KIAA1328: variants seen among roughly 807,000 people sequenced by gnomAD.
The protein encoded by KIAA1328 is protein hinderin.
A neutral mutation model predicts 68.1 loss-of-function variants in KIAA1328; 52 were observed. The ratio of observed to expected loss-of-function variants is 0.76; its 90% CI spans 0.61 to 0.96. KIAA1328 has a LOEUF of 0.96. KIAA1328 is among the 40% of genes least tolerant of loss of function. KIAA1328 has a pLI of 0.00. For missense variants in KIAA1328, 641 were observed against 677.6 expected (o/e 0.95, Z 0.60); for synonymous variants, 232 against 239.4 (o/e 0.97, Z 0.28).
At chr18:37,027,097 A>T (rs922932943) in intron 6 of KIAA1328, among the ~76,000 whole-genome samples, 1 of 152,210 alleles carries the variant, frequency 6.6e-6, no homozygotes, top group Non-Finnish European at 1.5e-5. Flanking sequence ...GAGCCAAATC[A>T]TGAGTGAACT....
intron 4 of KIAA1328, among the ~76,000 whole-genome samples, chr18:36,872,342 C>A (rs1256924595): frequency 6.6e-6 from 1 of 151,786 alleles, no homozygotes; most frequent in African/African-American, 2.4e-5. Context: ...CAACCAGGAC[C>A]CCCACCATCA....
At chr18:37,121,057 T>C (rs2058255164) in intron 7 of KIAA1328, among the ~76,000 whole-genome samples, 1 of 152,096 alleles carries the variant, frequency 6.6e-6, no homozygotes, top group Non-Finnish European at 1.5e-5. Context: ...TGAAAAATTA[T>C]AATGAAAAGA....
chr18:37,224,488 AT>A lies in KIAA1328; in HGVS notation c.*2265del, dbSNP rs2060614164. On this transcript the variant is annotated 3_prime_UTR_variant, in exon 10 of 10. Transcript: ENST00000280020. The stretch of plus-strand genomic sequence containing the variant: ...GTTGCCTTTTTCTAACTTAATGGAC[AT>A]TTTGTTGGTGTTGGTGCAAGGGCAA... The A allele has an allele frequency of 1.1e-5, 11 of 985,300 alleles. No homozygotes were observed. The South Asian group carries it at 3.3e-4, about 29-fold the overall frequency. 61.0% of individuals were successfully genotyped at this position (985,300 alleles called of 1,614,324 possible).
intron 4 of KIAA1328, among the ~76,000 whole-genome samples, chr18:36,863,825 A>G (rs1172594085): frequency 1.3e-5 from 2 of 152,174 alleles, no homozygotes; most frequent in East Asian, 3.8e-4. Context: ...TTGATAGTGT[A>G]TAGAAATATG....
At chr18:37,113,535 TACCA>T (rs1410091932) in intron 7 of KIAA1328, among the ~76,000 whole-genome samples, 5 of 152,148 alleles carry the variant, frequency 3.3e-5, no homozygotes, top group Admixed American at 6.5e-5. Context: ...GAACAACTGG[TACCA>T]GCCACTGCAA....
chr18:36,965,523 AC>A (rs2051888605), intron 6 of KIAA1328, among the ~76,000 whole-genome samples: 1 of 41,932 alleles, frequency 2.4e-5, no homozygotes, highest in African/African-American at 8.5e-5. Context: ...CGTGGTGGCC[AC>A]CACGCCTGGC....
intron 9 of KIAA1328, among the ~76,000 whole-genome samples, chr18:37,209,351 A>G (rs910521167): frequency 2.1e-4 from 32 of 152,082 alleles, no homozygotes; most frequent in Admixed American, 2.6e-4. Flanking sequence ...CTGAGCACCT[A>G]CCTTGTGCCA....
chr18:36,934,238 C>T (rs1848535282), intron 5 of KIAA1328, among the ~76,000 whole-genome samples: 1 of 152,130 alleles, frequency 6.6e-6, no homozygotes, highest in Admixed American at 6.6e-5. Context: ...CACCTCTCAA[C>T]TCTTGATGTT....
At chr18:36,835,487 T>A in intron 3 of KIAA1328, 111 bp downstream of exon 3, 1 of 1,030,586 alleles carries the variant, frequency 9.7e-7, no homozygotes, top group Non-Finnish European at 1.4e-6. Context: ...CAAACATTCT[T>A]AAAAGATACA....
At chr18:37,041,196 G>C (rs1262253314) in intron 6 of KIAA1328, among the ~76,000 whole-genome samples, 3 of 151,624 alleles carry the variant, frequency 2.0e-5, no homozygotes, top group Non-Finnish European at 4.4e-5. Context: ...TTTCAATTTT[G>C]TCAATTTTTA....
At chr18:36,972,566 G>A (rs970299384) in intron 6 of KIAA1328, among the ~76,000 whole-genome samples, 34 of 152,018 alleles carry the variant, frequency 2.2e-4, no homozygotes, top group African/African-American at 7.5e-4. Context: ...CCAAAACTTC[G>A]GCCTACTTTT....
In KIAA1328 at chr18:37,125,455, A is replaced by G. The variant is rs142984828; in HGVS notation, c.1233-34745A>G. ...GAAATTCTACCTTAAAAAAACCAGA[A>G]AACAGCAAATTATACACAAAATGAG... On this transcript the variant is annotated intron_variant, in intron 7 of 9. Coordinates refer to ENST00000280020, the MANE Select transcript of KIAA1328 (RefSeq NM_020776.3). 3.3e-5 allele frequency among the ~76,000 whole-genome samples: 5 copies of G among 152,324 alleles called. No individual in the cohort carries two copies. The East Asian group carries it at 9.7e-4, about 29-fold the overall frequency.
intron 4 of KIAA1328, among the ~76,000 whole-genome samples, chr18:36,850,016 C>T (rs1158850266): frequency 2.0e-5 from 3 of 152,072 alleles, no homozygotes; most frequent in Non-Finnish European, 4.4e-5. Flanking sequence ...TGTCTATTCA[C>T]ATCTTTTGCC....
chr18:37,222,936 C>G lies in KIAA1328; in HGVS notation c.*709C>G, dbSNP rs201616043. 3.0e-6 allele frequency: 3 copies of G among 985,516 alleles called. No individual in the cohort carries two copies. Among genetic ancestry groups the G allele is most frequent in the East Asian group, 1.1e-4 (1 of 8,826 alleles). The allele number at this position is 985,516 out of a possible 1,614,324, so 61.0% of individuals were successfully genotyped here. A position where few individuals can be genotyped will look rare whatever the true frequency, so the allele number is the denominator to read the frequency against. On this transcript the variant is annotated 3_prime_UTR_variant, in exon 10 of 10. Transcript: ENST00000280020. ...GTCCTGGGGAAATTCAGTGGAGGCACAAGCCTGAAGCACTCTTCTACCAAT... is the reference window on the plus strand; with the variant it reads ...GTCCTGGGGAAATTCAGTGGAGGCAGAAGCCTGAAGCACTCTTCTACCAAT...
At chr18:36,879,138 C>T (rs1601111524) in intron 4 of KIAA1328, among the ~76,000 whole-genome samples, 1 of 151,684 alleles carries the variant, frequency 6.6e-6, no homozygotes, top group South Asian at 2.1e-4. Context: ...GCTGGTTTTT[C>T]CTCATCTTCA....
chr18:36,922,151 TA>T (rs1390665681), intron 5 of KIAA1328, among the ~76,000 whole-genome samples: 1 of 152,160 alleles, frequency 6.6e-6, no homozygotes, highest in East Asian at 1.9e-4. Flanking sequence ...ACCTAGATTT[TA>T]GCAGGATAGG....
chr18:37,225,015 C>G lies in KIAA1328; in HGVS notation c.*2788C>G, dbSNP rs1243568174. 1.2e-5 allele frequency: 12 copies of G among 985,282 alleles called. No homozygotes were observed. Among genetic ancestry groups the G allele is most frequent in the Non-Finnish European group, 1.4e-5 (12 of 829,918 alleles). The allele number at this position is 985,282 out of a possible 1,614,324, so 61.0% of individuals were successfully genotyped here. A position where few individuals can be genotyped will look rare whatever the true frequency, so the allele number is the denominator to read the frequency against. On this transcript the variant is annotated 3_prime_UTR_variant, in exon 10 of 10. Transcript: ENST00000280020. ...ACTTGTGTTTATCCAAACCTGATCC[C>G]CATGATGGGGACTTTTCTAGAGCAC...
At chr18:37,103,449 G>A (rs961901296) in intron 7 of KIAA1328, among the ~76,000 whole-genome samples, 2 of 152,202 alleles carry the variant, frequency 1.3e-5, no homozygotes, top group South Asian at 2.1e-4. Flanking sequence ...CTGGATATCC[G>A]TATGCGTATG....
At chr18:36,933,729 C>A (rs1256932013) in intron 5 of KIAA1328, among the ~76,000 whole-genome samples, 1 of 152,182 alleles carries the variant, frequency 6.6e-6, no homozygotes, top group Non-Finnish European at 1.5e-5. Context: ...GATAGAGCTG[C>A]AGATAAAGCA....
Sources: gnomAD v4.1 joint callset for allele counts (sites outside exome capture counted in the v4.1 genomes callset) on GRCh38, gnomAD v4.1.1 for gene constraint, MANE v1.5 for transcripts, NCBI Gene and HGNC (gene_info 2026-07-23, HGNC 2026-07-21) for gene names.